SCN9A: variants seen among roughly 807,000 people sequenced by gnomAD.
The protein encoded by SCN9A is sodium voltage-gated channel alpha subunit 9.
In SCN9A, 131 loss-of-function variants were observed where a neutral mutation model predicts 187.0. The observed-to-expected ratio is 0.70, with a 90% CI of 0.61 to 0.81. SCN9A has a LOEUF of 0.81. Among genes scored for constraint, SCN9A ranks in the 30% least tolerant of loss-of-function variants. SCN9A has a pLI of 0.00. For synonymous variants in SCN9A, 809 were observed against 808.6 expected (o/e 1.00, Z -0.01); for missense variants, 2,252 against 2,396.6 (o/e 0.94, Z 1.26).
At chr2:166,286,697 T>A (rs1008539296) in intron 10 of SCN9A, 74 bp from the exon 11 acceptor site, 5 of 1,219,968 alleles carry the variant, frequency 4.1e-6, no homozygotes, top group African/African-American at 1.5e-5. Context: ...AGGACATCTT[T>A]CACCTATTAG....
At chr2:166,211,347 C>T (rs1406977731) in intron 24 of SCN9A, among the ~76,000 whole-genome samples, 1 of 151,954 alleles carries the variant, frequency 6.6e-6, no homozygotes, top group African/African-American at 2.4e-5. Context: ...CAAGCAAATG[C>T]TGAGGGAGTT....
In SCN9A at chr2:166,326,228, TAAGAAGTACA is replaced by T. The variant is rs200178927; in HGVS notation, c.-50-14432_-50-14423del. Among the ~76,000 whole-genome samples the T allele has an allele frequency of 6.1e-4, 93 of 152,200 alleles. No homozygotes were observed. The East Asian group carries it at 0.015, about 25-fold the overall frequency. The stretch of plus-strand genomic sequence containing the variant: ...ATAAAGCTGAAACATTCAAAGACAA[TAAGAAGTACA>T]ATTTAGTCATTGAATAGCTCTACAG... On this transcript the variant is annotated intron_variant, in intron 1 of 26. Transcript: ENST00000642356.
chr2:166,203,818 A>C, intron 26 of SCN9A, 137 bp downstream of exon 26: 1 of 619,386 alleles, frequency 1.6e-6, no homozygotes, highest in Non-Finnish European at 2.8e-6. Flanking sequence ...TTTGCTTTTT[A>C]GGATTTTTTC....
At chr2:166,313,895 G>A (rs184246546) in intron 1 of SCN9A, among the ~76,000 whole-genome samples, 7 of 152,246 alleles carry the variant, frequency 4.6e-5, no homozygotes, top group African/African-American at 1.7e-4. Context: ...TGAACATTAG[G>A]GGTGGGAATG....
chr2:166,210,094 T>C (rs979906736), intron 24 of SCN9A, among the ~76,000 whole-genome samples: 6 of 152,146 alleles, frequency 3.9e-5, no homozygotes, highest in Non-Finnish European at 2.9e-5. Flanking sequence ...TAAGAAAATA[T>C]GGCACATATA....
At chr2:166,255,370 T>C (rs1172930176) in intron 17 of SCN9A, among the ~76,000 whole-genome samples, 2 of 151,546 alleles carry the variant, frequency 1.3e-5, no homozygotes, top group Non-Finnish European at 3.0e-5. Flanking sequence ...AATATATGTA[T>C]CATATTAGAA....
intron 1 of SCN9A, among the ~76,000 whole-genome samples, chr2:166,372,554 T>G (rs1284084188): frequency 3.9e-5 from 6 of 152,186 alleles, no homozygotes. Context: ...TATATTTTAA[T>G]ACATTTGTGG....
chr2:166,370,764 G>T (rs1438944963), intron 1 of SCN9A, among the ~76,000 whole-genome samples: 2 of 151,530 alleles, frequency 1.3e-5, no homozygotes, highest in Non-Finnish European at 2.9e-5. Context: ...AGTAAAATTT[G>T]CCTTACTGGC....
At chr2:166,318,189 C>T (rs541131401) in intron 1 of SCN9A, among the ~76,000 whole-genome samples, 3 of 152,120 alleles carry the variant, frequency 2.0e-5, no homozygotes, top group East Asian at 1.9e-4. Context: ...TAGCTAGAAC[C>T]AGGGTGGAGT....
At chr2:166,234,340 C>T (rs1429553845) in intron 20 of SCN9A, among the ~76,000 whole-genome samples, 1 of 152,032 alleles carries the variant, frequency 6.6e-6, no homozygotes, top group Non-Finnish European at 1.5e-5. Flanking sequence ...TAGCAGGAGA[C>T]GATGTCTAAG....
chr2:166,294,761 T>G lies in SCN9A; in HGVS notation c.902-99A>C, dbSNP rs188421141. 6.1e-4 allele frequency: 443 copies of G among 726,540 alleles called. No homozygotes were observed. In the African/African-American group the frequency reaches 6.7e-3, roughly 11 times the overall value. The allele number at this position is 726,540 out of a possible 1,614,324, so 45.0% of individuals were successfully genotyped here. ...ATTGATATAGACATTTATCTACAAA[T>G]TCAGGCCTGGTCCCAGGCAATATGC... On this transcript the variant is annotated intron_variant, in intron 7 of 26. Coordinates refer to ENST00000642356, the MANE Select transcript of SCN9A (RefSeq NM_001365536.1).
intron 1 of SCN9A, among the ~76,000 whole-genome samples, chr2:166,333,596 C>A (rs918081675): frequency 6.6e-6 from 1 of 152,064 alleles, no homozygotes; most frequent in South Asian, 2.1e-4. Flanking sequence ...GGGACTTACT[C>A]TTTTGCTAAA....
In SCN9A at chr2:166,198,757, A is replaced by G; in HGVS notation, c.5882T>C (p.Val1961Ala). 6.2e-7 allele frequency: 1 copy of G among 1,613,404 alleles called. No individual in the cohort carries two copies. The highest frequency in any genetic ancestry group is 8.5e-7 in the Non-Finnish European group (1 of 1,179,614). The change falls in exon 27 of 27, where the codon GTA becomes GCA. Residue 1961 changes from valine (V) to alanine (A), a missense_variant. Transcript: ENST00000642356. ...ATATTTCTCTTTGTCTGGCTTTGTT[A>G]CACTATCATATGAAGGTGGAGAGGT... The part of the protein sequence containing the change: ...STTSPPSYDS[V>A]TKPDKEKYEQ...
intron 24 of SCN9A, among the ~76,000 whole-genome samples, chr2:166,213,072 G>C (rs1000196986): frequency 6.6e-6 from 1 of 151,872 alleles, no homozygotes; most frequent in African/African-American, 2.4e-5. Context: ...TACATGTCTA[G>C]GAACTAGAAA....
rs941617888 is a variant in SCN9A, at chr2:166,195,709, T to C, written c.*2963A>G. 2 of 152,168 alleles carry C rather than the reference T, an allele frequency of 1.3e-5. No homozygotes were observed. The highest frequency in any genetic ancestry group is 4.8e-5 in the African/African-American group (2 of 41,432). 9.4% of individuals were successfully genotyped at this position (152,168 alleles called of 1,614,324 possible). On this transcript the variant is annotated 3_prime_UTR_variant, in exon 27 of 27. Coordinates refer to ENST00000642356, the MANE Select transcript of SCN9A (RefSeq NM_001365536.1). The stretch of plus-strand genomic sequence containing the variant: ...AAATCTTTTGCAAACTAGGTAACTA[T>C]CAAAAAGCTAAAATTAGGTTCTCTA...
At chr2:166,212,563 G>A (rs140154007) in intron 24 of SCN9A, among the ~76,000 whole-genome samples, 245 of 152,266 alleles carry the variant, frequency 1.6e-3, no homozygotes, top group African/African-American at 5.3e-3. Flanking sequence ...TACCCGACTT[G>A]CAATAATGAA....
At chr2:166,232,859 A>T (rs1039121623) in intron 21 of SCN9A, among the ~76,000 whole-genome samples, 5 of 147,560 alleles carry the variant, frequency 3.4e-5, no homozygotes, top group African/African-American at 1.2e-4. Flanking sequence ...CATATTCTGT[A>T]TATATTAATA....
chr2:166,351,803 G>T (rs770507859), intron 1 of SCN9A, among the ~76,000 whole-genome samples: 1 of 152,056 alleles, frequency 6.6e-6, no homozygotes, highest in Non-Finnish European at 1.5e-5. Flanking sequence ...TTCTTGATTA[G>T]ATTGGAAACA....
intron 15 of SCN9A, 118 bp downstream of exon 15, chr2:166,278,022 A>C: frequency 1.5e-6 from 1 of 689,052 alleles, no homozygotes; most frequent in Non-Finnish European, 2.3e-6. Context: ...ATTTTACTAG[A>C]TATCAAGATA....
Sources: gnomAD v4.1 joint callset for allele counts (sites outside exome capture counted in the v4.1 genomes callset) on GRCh38, gnomAD v4.1.1 for gene constraint, MANE v1.5 for transcripts, NCBI Gene and HGNC (gene_info 2026-07-23, HGNC 2026-07-21) for gene names.